Variants in ARHGAP6 observed in about 807,000 individuals in gnomAD.
ARHGAP6 encodes rho GTPase-activating protein 6.
A neutral mutation model predicts 55.7 loss-of-function variants in ARHGAP6; 16 were observed. The observed-to-expected ratio is 0.29, with a 90% confidence interval of 0.19 to 0.44. ARHGAP6 has a LOEUF of 0.44. Ranked by LOEUF, ARHGAP6 falls within the 20% of genes least tolerant of loss-of-function variation. The pLI is 1.00. For missense variants in ARHGAP6, 698 were observed against 808.9 expected, an observed-to-expected ratio of 0.86 and a Z score of 1.66; for synonymous variants, 382 against 360.9, an observed-to-expected ratio of 1.06 and a Z score of -0.66.
Position 11,298,276 on chromosome X carries a change from C to T in ARHGAP6, c.589-43569G>A, listed in dbSNP as rs144955572. The stretch of plus-strand genomic sequence containing the variant: ...AAGTGGTACCAGAGCATAAGGCCAC[C>T]GGTATGTAGACATTTTGTTCCTTAT... On this transcript the variant is annotated intron_variant, in intron 1 of 12. Coordinates refer to ENST00000337414, the MANE Select transcript of ARHGAP6 (RefSeq NM_013427.3). The T allele has an allele frequency of 1.6e-5, 19 of 1,207,719 alleles. No individual in the cohort carries two copies. Among genetic ancestry groups the T allele is most frequent in the African/African-American group, 1.4e-4 (8 of 56,969 alleles).
intron 1 of ARHGAP6, among the ~76,000 whole-genome samples, chrX:11,294,276 G>A (rs905657634): frequency 4.5e-5 from 5 of 111,862 alleles, no homozygotes; most frequent in Non-Finnish European, 9.4e-5. Context: ...AATCTATCTT[G>A]GCAAATTAAT....
rs1485417683 is a variant in ARHGAP6 at position 11,607,817 on chromosome X, T to C, written c.588+56424A>G. 2.7e-5 allele frequency among the ~76,000 whole-genome samples: 3 copies of C among 112,259 alleles called. No homozygotes were observed. In the Admixed American group the frequency reaches 2.8e-4, roughly 11 times the overall value. ...AGCTGGGGCAACAAATAATTTGTAA[T>C]CTTCTGGCTTCTTTCAACAAAGCTT... On this transcript the variant is annotated intron_variant, in intron 1 of 12. Transcript: ENST00000337414.
At chrX:11,364,955 A>T (rs1354902692) in intron 1 of ARHGAP6, among the ~76,000 whole-genome samples, 3 of 110,836 alleles carry the variant, frequency 2.7e-5, no homozygotes, top group Admixed American at 9.7e-5. Context: ...ACATGATGAC[A>T]GTTAGCTATA....
chrX:11,268,381 A>T (rs2047653188), intron 1 of ARHGAP6, among the ~76,000 whole-genome samples: 1 of 111,896 alleles, frequency 8.9e-6, no homozygotes, highest in South Asian at 3.7e-4. Context: ...TAACAGTAGA[A>T]GTTTACTGAG....
intron 1 of ARHGAP6, among the ~76,000 whole-genome samples, chrX:11,423,582 G>A (rs192983011): frequency 6.1e-4 from 69 of 112,214 alleles, no homozygotes; most frequent in Non-Finnish European, 1.1e-3. Context: ...CCAGTACAAG[G>A]AAGGAGAATG....
intron 1 of ARHGAP6, among the ~76,000 whole-genome samples, chrX:11,444,044 C>A (rs2050068040): frequency 8.9e-6 from 1 of 112,323 alleles, no homozygotes; most frequent in African/African-American, 3.2e-5. Context: ...TGTAAAGTGT[C>A]TGTTCATGTC....
intron 2 of ARHGAP6, among the ~76,000 whole-genome samples, chrX:11,222,603 C>T (rs1365696334): frequency 8.9e-6 from 1 of 112,007 alleles, no homozygotes; most frequent in South Asian, 3.7e-4. Context: ...ATATTTCAAA[C>T]GTGTTTTTAA....
intron 1 of ARHGAP6, among the ~76,000 whole-genome samples, chrX:11,588,618 C>T (rs982237966): frequency 8.0e-5 from 9 of 112,118 alleles, no homozygotes; most frequent in Non-Finnish European, 1.5e-4. Flanking sequence ...CATGCTACAA[C>T]GTGAATGAAT....
chrX:11,531,310 T>G (rs1335009834), intron 1 of ARHGAP6, among the ~76,000 whole-genome samples: 1 of 112,054 alleles, frequency 8.9e-6, no homozygotes, highest in East Asian at 2.8e-4. Context: ...CAATTATGGT[T>G]AATAGAATGG....
At position 11,308,039 on chromosome X, in the gene ARHGAP6, A is replaced by G. The variant is rs1197826447; in HGVS notation, c.589-53332T>C. Among the ~76,000 whole-genome samples, 3 of 112,715 alleles carry G rather than the reference A, an allele frequency of 2.7e-5. No homozygotes were observed. The East Asian group carries it at 8.3e-4, about 31-fold the overall frequency. On this transcript the variant is annotated intron_variant, in intron 1 of 12. Transcript: ENST00000337414. ...TTCGTATATATTTTAATTACTTTATACCTATGGTGGCATGTGCACATGATA... is the reference window on the plus strand; with the variant it reads ...TTCGTATATATTTTAATTACTTTATGCCTATGGTGGCATGTGCACATGATA...
chrX:11,563,727 A>C (rs745387214), intron 1 of ARHGAP6, among the ~76,000 whole-genome samples: 4 of 111,344 alleles, frequency 3.6e-5, no homozygotes, highest in Admixed American at 2.9e-4. Flanking sequence ...ACTTATGTTT[A>C]TACTTAAAAT....
intron 1 of ARHGAP6, among the ~76,000 whole-genome samples, chrX:11,472,892 C>A (rs1249866412): frequency 9.0e-6 from 1 of 110,793 alleles, no homozygotes; most frequent in East Asian, 2.9e-4. Context: ...TGGAGATCCA[C>A]CCCTGCCTCC....
intron 1 of ARHGAP6, among the ~76,000 whole-genome samples, chrX:11,368,806 T>C (rs189684816): frequency 1.2e-4 from 13 of 112,240 alleles, no homozygotes; most frequent in African/African-American, 4.2e-4. Context: ...TTGATAAATA[T>C]TTGTGGAATA....
At chrX:11,442,389 AT>A (rs200368545) in intron 1 of ARHGAP6, among the ~76,000 whole-genome samples, 7 of 110,296 alleles carry the variant, frequency 6.3e-5, no homozygotes, top group Admixed American at 1.9e-4. Context: ...TCTAAAATTG[AT>A]TTTTTTTAGA....
intron 1 of ARHGAP6, among the ~76,000 whole-genome samples, chrX:11,256,008 A>G (rs1168713109): frequency 8.9e-6 from 1 of 112,539 alleles, no homozygotes; most frequent in Admixed American, 9.4e-5. Context: ...GAAAAGTTCT[A>G]TCAGGGAAGG....
At chrX:11,630,539 G>A (rs1275265638) in intron 1 of ARHGAP6, among the ~76,000 whole-genome samples, 2 of 112,308 alleles carry the variant, frequency 1.8e-5, no homozygotes, top group Non-Finnish European at 3.8e-5. Context: ...ACAAATGTAT[G>A]TCTACTGCCT....
intron 9 of ARHGAP6, among the ~76,000 whole-genome samples, chrX:11,158,691 A>G (rs1313655079): frequency 8.9e-6 from 1 of 111,812 alleles, no homozygotes; most frequent in African/African-American, 3.3e-5. Flanking sequence ...TGTCTTTCCC[A>G]TCTTCTCCCC....
intron 1 of ARHGAP6, among the ~76,000 whole-genome samples, chrX:11,623,828 A>G (rs753767278): frequency 6.8e-4 from 76 of 112,263 alleles, no homozygotes; most frequent in Non-Finnish European, 1.1e-3. Context: ...TACGGATTCA[A>G]TGCAATCCCT....
At chrX:11,177,955 G>T in intron 8 of ARHGAP6, 145 bp downstream of exon 8, 1 of 711,401 alleles carries the variant, frequency 1.4e-6, no homozygotes, top group Non-Finnish European at 2.1e-6. Flanking sequence ...AGAAGGCCCT[G>T]CATTAGTCTC....
Sources: allele counts gnomAD v4.1 joint callset (sites outside exome capture counted in the v4.1 genomes callset), GRCh38; gene constraint gnomAD v4.1.1; transcripts MANE v1.5; gene names NCBI Gene and HGNC (gene_info 2026-07-23, HGNC 2026-07-21).